The following ASH1L variants were observed in gnomAD, a reference collection of about 807,000 sequenced individuals.
ASH1L encodes the protein ASH1 like histone lysine methyltransferase.
A neutral mutation model predicts 269.0 loss-of-function variants in ASH1L; 23 were observed. That is an observed-to-expected ratio of 0.09 (90% CI 0.06 to 0.12). The LOEUF (loss-of-function observed/expected upper bound fraction) is 0.12, where lower values mean the gene tolerates loss of function less well. ASH1L is among the 10% of genes least tolerant of loss of function. ASH1L has a pLI of 1.00. For missense variants in ASH1L, 2,912 were observed against 3,567.8 expected (o/e 0.82, Z 4.68); for synonymous variants, 1,187 against 1,253.5 (o/e 0.95, Z 1.12).
At chr1:155,482,590 C>T (rs1666034573) in intron 2 of ASH1L, 141 bp from the exon 3 acceptor site, 6 of 804,888 alleles carry the variant, frequency 7.5e-6, no homozygotes, top group Admixed American at 5.5e-5. Context: ...TAATATTATA[C>T]TTATGTCACA....
intron 2 of ASH1L, among the ~76,000 whole-genome samples, chr1:155,488,410 G>A (rs868436357): frequency 1.2e-4 from 18 of 148,782 alleles, no homozygotes; most frequent in African/African-American, 3.7e-4. Flanking sequence ...CTGTAATCCC[G>A]GCACTTTGGG....
At chr1:155,353,794 GATA>G in intron 16 of ASH1L, among the ~76,000 whole-genome samples, 1 of 152,278 alleles carries the variant, frequency 6.6e-6, no homozygotes, top group African/African-American at 2.4e-5. Context: ...TCTTCAAACT[GATA>G]ATGACCTGTC....
At chr1:155,353,758 C>G (rs901424420) in intron 16 of ASH1L, among the ~76,000 whole-genome samples, 3 of 152,096 alleles carry the variant, frequency 2.0e-5, no homozygotes, top group Non-Finnish European at 2.9e-5. Context: ...CCGTCCCCAG[C>G]TGAATCTGAA....
chr1:155,522,748 G>A (rs900135810), intron 1 of ASH1L, among the ~76,000 whole-genome samples: 1 of 150,342 alleles, frequency 6.7e-6, no homozygotes, highest in Non-Finnish European at 1.5e-5. Flanking sequence ...GTGCAGTGGC[G>A]CGATCTCAGC....
intron 16 of ASH1L, 53 bp from the exon 17 acceptor site, chr1:155,352,911 CT>C: frequency 6.6e-7 from 1 of 1,508,750 alleles, no homozygotes; most frequent in Non-Finnish European, 8.9e-7. Flanking sequence ...CTCTACATGT[CT>C]TTCTCTTTCC....
At chr1:155,419,573 T>TA (rs1660505144) in intron 5 of ASH1L, 1 of 152,204 alleles carries the variant, frequency 6.6e-6, no homozygotes, top group South Asian at 2.1e-4. Flanking sequence ...GATGCACATC[T>TA]ACCTCTCATT....
chr1:155,433,875 G>A (rs1374893238), intron 5 of ASH1L: 7 of 1,604,046 alleles, frequency 4.4e-6, no homozygotes, highest in Non-Finnish European at 6.0e-6. Context: ...GCTCGAAAGA[G>A]AAAGCGAACC....
At chr1:155,345,010 G>A (rs1184129712) in intron 21 of ASH1L, among the ~76,000 whole-genome samples, 1 of 151,792 alleles carries the variant, frequency 6.6e-6, no homozygotes, top group Non-Finnish European at 1.5e-5. Context: ...AGGCTGGGGT[G>A]CAGTGGTGCG....
At chr1:155,409,607 G>T (rs1435644459) in intron 6 of ASH1L, among the ~76,000 whole-genome samples, 1 of 152,078 alleles carries the variant, frequency 6.6e-6, no homozygotes, top group Non-Finnish European at 1.5e-5. Context: ...TTCCTGCCAT[G>T]ATTTTTAAAT....
At chr1:155,398,441 GGTAA>G (rs1245398417) in intron 6 of ASH1L, among the ~76,000 whole-genome samples, 3 of 152,070 alleles carry the variant, frequency 2.0e-5, no homozygotes, top group Admixed American at 2.0e-4. Context: ...GTAACACAAT[GGTAA>G]GTATTTGTGT....
chr1:155,355,535 C>A (rs1414387161), intron 15 of ASH1L, among the ~76,000 whole-genome samples: 1 of 152,176 alleles, frequency 6.6e-6, no homozygotes, highest in Non-Finnish European at 1.5e-5. Flanking sequence ...CTAGTTCCTG[C>A]ACATTGGAAT....
intron 1 of ASH1L, among the ~76,000 whole-genome samples, chr1:155,539,631 A>G (rs1670288671): frequency 6.6e-6 from 1 of 151,944 alleles, no homozygotes; most frequent in Admixed American, 6.6e-5. Flanking sequence ...TTATTTTTGT[A>G]GAGACAGCAT....
intron 7 of ASH1L, among the ~76,000 whole-genome samples, chr1:155,395,145 C>T (rs113821569): frequency 3.3e-5 from 5 of 152,138 alleles, no homozygotes; most frequent in African/African-American, 9.6e-5. Context: ...CCAAGTTGCC[C>T]AGGCCATCAA....
chr1:155,343,190 A>C lies in ASH1L; in HGVS notation c.8293+124T>G. ...GAGGCAGAGTTTTGCCACGTTGGCC[A>C]GGCTGGTCTCACACTCCTGGGCTTA... On this transcript the variant is annotated intron_variant, in intron 24 of 27. Transcript: ENST00000392403. This position sits in a 1 kb window ranked among gnomAD's most constrained non-coding sequence, Gnocchi z 6.1. The C allele has an allele frequency of 1.9e-6, 2 of 1,062,054 alleles. No homozygotes were observed. Among genetic ancestry groups the C allele is most frequent in the Non-Finnish European group, 2.7e-6 (2 of 736,520 alleles). The allele number at this position is 1,062,054 out of a possible 1,614,324, so 65.8% of individuals were successfully genotyped here.
rs199620975 is a variant in ASH1L at position 155,521,552 on chromosome 1, G to C, written c.-33C>G. 7.6e-4 allele frequency: 1,184 copies of C among 1,562,608 alleles called. No individual in the cohort carries two copies. Among genetic ancestry groups the C allele is most frequent in the Non-Finnish European group, 9.7e-4 (1,126 of 1,157,900 alleles). On this transcript the variant is annotated 5_prime_UTR_variant, in exon 2 of 28. It introduces an in-frame stop codon into an upstream open reading frame of the 5' UTR. Transcript: ENST00000392403. ...GTATGTTATTGCCAAGGAATCTTAT[G>C]AAAATTTTACAGAACTGTGTTCCAT...
intron 4 of ASH1L, chr1:155,440,475 G>A: frequency 1.6e-6 from 1 of 622,100 alleles, no homozygotes; most frequent in Non-Finnish European, 2.0e-6. Context: ...TCAATACAGA[G>A]TACTTGTTAT....
At chr1:155,348,910 A>ATG (rs1472065742) in intron 19 of ASH1L, among the ~76,000 whole-genome samples, 37 of 142,880 alleles carry the variant, frequency 2.6e-4, no homozygotes, top group African/African-American at 9.5e-4. Flanking sequence ...ATATATATAT[A>ATG]TACACACACA....
At chr1:155,412,998 A>T (rs926696091) in intron 6 of ASH1L, among the ~76,000 whole-genome samples, 5 of 152,042 alleles carry the variant, frequency 3.3e-5, no homozygotes, top group Admixed American at 1.3e-4. Context: ...CAGCAGAGGA[A>T]AAACACAGTC....
In ASH1L at chr1:155,348,884, TAAA is replaced by T. The variant is rs66853194; in HGVS notation, c.7554+440_7554+442del. Reference sequence around the variant, plus strand: ...TGACAGAGCAAGATTCTGTCTCATTTAAAAAAAAAAAAAAAATATATATATATA... The same window carrying T: ...TGACAGAGCAAGATTCTGTCTCATTTAAAAAAAAAAAAATATATATATATA... On this transcript the variant is annotated intron_variant, in intron 19 of 27. Coordinates refer to ENST00000392403, the MANE Select transcript of ASH1L (RefSeq NM_018489.3). Among the ~76,000 whole-genome samples the T allele has an allele frequency of 3.3e-3, 301 of 91,832 alleles. 2 individuals are homozygous for T. The highest frequency in any genetic ancestry group is 0.012 in the African/African-American group (288 of 24,956). 60.2% of individuals were successfully genotyped at this position (91,832 alleles called of 152,430 possible). A position where few individuals can be genotyped will look rare whatever the true frequency, so the allele number is the denominator to read the frequency against.
Sources: allele counts gnomAD v4.1 joint callset (sites outside exome capture counted in the v4.1 genomes callset), GRCh38; gene constraint gnomAD v4.1.1; non-coding constraint Gnocchi (gnomAD v3.1); transcripts MANE v1.5; gene names NCBI Gene and HGNC (gene_info 2026-07-23, HGNC 2026-07-21).